CNTNAP2: variants seen among roughly 807,000 people sequenced by gnomAD.
CNTNAP2 encodes the protein contactin-associated protein-like 2.
In CNTNAP2, 98 loss-of-function variants were observed where a neutral mutation model predicts 155.2. That is an observed-to-expected ratio of 0.63 (90% CI 0.54 to 0.75). The LOEUF is 0.75. CNTNAP2 is among the 30% of genes least tolerant of loss of function. The probability of loss-of-function intolerance (pLI) is 0.00; values close to 1 mark genes in which losing one functional copy is unlikely to be tolerated. For missense variants in CNTNAP2, 1,727 were observed against 1,688.1 expected, an observed-to-expected ratio of 1.02 and a Z score of -0.40; for synonymous variants, 651 against 631.2, an observed-to-expected ratio of 1.03 and a Z score of -0.47.
intron 1 of CNTNAP2, among the ~76,000 whole-genome samples, chr7:146,229,004 A>G (rs1258504468): frequency 6.6e-6 from 1 of 152,120 alleles, no homozygotes; most frequent in Non-Finnish European, 1.5e-5. Flanking sequence ...CTCTCTATCT[A>G]TTAGATCACT....
intron 18 of CNTNAP2, among the ~76,000 whole-genome samples, chr7:148,202,949 A>G (rs191319521): frequency 6.6e-6 from 1 of 152,230 alleles, no homozygotes; most frequent in East Asian, 1.9e-4. Context: ...CTGCCAAAAG[A>G]CAGATAAAGT....
intron 3 of CNTNAP2, among the ~76,000 whole-genome samples, chr7:146,859,620 T>C (rs917632719): frequency 1.3e-5 from 2 of 151,872 alleles, no homozygotes; most frequent in African/African-American, 4.8e-5. Context: ...TCGCACACCG[T>C]TGCACTCCAG....
chr7:146,768,577 G>C (rs541214704), intron 1 of CNTNAP2, among the ~76,000 whole-genome samples: 19 of 152,020 alleles, frequency 1.2e-4, no homozygotes, highest in African/African-American at 4.6e-4. Flanking sequence ...GGTATAGGTA[G>C]AGTAGCTCGA....
intron 1 of CNTNAP2, among the ~76,000 whole-genome samples, chr7:146,461,249 A>G (rs2129124553): frequency 6.6e-6 from 1 of 151,762 alleles, no homozygotes; most frequent in African/African-American, 2.4e-5. Context: ...AAAAATACAA[A>G]AAAAAATTAG....
intron 4 of CNTNAP2, among the ~76,000 whole-genome samples, chr7:147,063,120 G>A (rs892825497): frequency 1.3e-5 from 2 of 152,150 alleles, no homozygotes; most frequent in Admixed American, 1.3e-4. Flanking sequence ...GGCTCCTCCT[G>A]AGACTTCCCC....
At position 146,887,214 on chromosome 7, in the gene CNTNAP2, A is replaced by T. The variant is rs538356866; in HGVS notation, c.402+47310A>T. ...GCCCAGGCTGGAGTACAATGGCGCG[A>T]TCTTGGCTCACTGCAAACTCGCCTC... On this transcript the variant is annotated intron_variant, in intron 3 of 23. Coordinates refer to ENST00000361727, the MANE Select transcript of CNTNAP2 (RefSeq NM_014141.6). Among the ~76,000 whole-genome samples, 4 of 152,036 alleles carry T rather than the reference A, an allele frequency of 2.6e-5. No homozygotes were observed. In the South Asian group the frequency reaches 8.3e-4, roughly 32 times the overall value.
intron 13 of CNTNAP2, among the ~76,000 whole-genome samples, chr7:147,674,324 G>A (rs189742381): frequency 7.6e-4 from 115 of 152,274 alleles, no homozygotes; most frequent in African/African-American, 2.7e-3. Context: ...TCTCCTTAGA[G>A]AGCATATTTT....
intron 1 of CNTNAP2, among the ~76,000 whole-genome samples, chr7:146,696,661 AC>A (rs1269849572): frequency 1.1e-4 from 16 of 152,072 alleles, no homozygotes; most frequent in Non-Finnish European, 4.4e-5. Flanking sequence ...ATTCAGTGCT[AC>A]AAATTTCTCT....
rs557560926 is a variant in CNTNAP2, at chr7:148,062,425, G to T, written c.2384-55693G>T. ...ATTGACAGAAGTGCAGGGAGAAATTGATAACTCAAATATCATAGAAGAAAA... is the reference window on the plus strand; with the variant it reads ...ATTGACAGAAGTGCAGGGAGAAATTTATAACTCAAATATCATAGAAGAAAA... On this transcript the variant is annotated intron_variant, in intron 15 of 23. Transcript: ENST00000361727. Among the ~76,000 whole-genome samples, 9 of 152,120 alleles carry T rather than the reference G, an allele frequency of 5.9e-5. No homozygotes were observed. The South Asian group carries it at 1.7e-3, about 28-fold the overall frequency.
chr7:146,754,554 GTCTCTCTCTC>G (rs143802449), intron 1 of CNTNAP2, among the ~76,000 whole-genome samples: 1 of 144,870 alleles, frequency 6.9e-6, no homozygotes, highest in East Asian at 2.1e-4. Flanking sequence ...CTCTCTCTCT[GTCTCTCTCTC>G]TCTCTCTCTC....
intron 3 of CNTNAP2, among the ~76,000 whole-genome samples, chr7:146,915,204 G>C (rs573112069): frequency 6.6e-6 from 1 of 152,014 alleles, no homozygotes; most frequent in South Asian, 2.1e-4. Flanking sequence ...ATGCTGTTTT[G>C]GTGACTATGG....
chr7:148,113,584 T>C (rs1804402460), intron 15 of CNTNAP2, among the ~76,000 whole-genome samples: 1 of 152,202 alleles, frequency 6.6e-6, no homozygotes, highest in South Asian at 2.1e-4. Flanking sequence ...GAAGATATGA[T>C]AGTGCATTTT....
intron 21 of CNTNAP2, among the ~76,000 whole-genome samples, chr7:148,295,228 T>C (rs1797258965): frequency 6.6e-6 from 1 of 152,212 alleles, no homozygotes; most frequent in Non-Finnish European, 1.5e-5. Flanking sequence ...ACTTAAATGA[T>C]AAGAAATTTA....
chr7:146,693,117 G>A (rs998454677), intron 1 of CNTNAP2, among the ~76,000 whole-genome samples: 15 of 152,120 alleles, frequency 9.9e-5, no homozygotes, highest in African/African-American at 2.2e-4. Flanking sequence ...AAATGGAGAC[G>A]ATACCTACTT....
At chr7:148,392,885 T>G (rs1799383138) in intron 22 of CNTNAP2, among the ~76,000 whole-genome samples, 1 of 135,620 alleles carries the variant, frequency 7.4e-6, no homozygotes, top group African/African-American at 2.8e-5. Flanking sequence ...ATACCCCCAT[T>G]AGACTTGAGT....
intron 17 of CNTNAP2, among the ~76,000 whole-genome samples, chr7:148,152,748 C>T (rs183789516): frequency 2.8e-3 from 432 of 152,238 alleles, no homozygotes; most frequent in African/African-American, 9.7e-3. Context: ...TAGCTGGGCA[C>T]GGCGGCTCAC....
chr7:148,229,104 T>C (rs906648339), intron 19 of CNTNAP2, among the ~76,000 whole-genome samples: 5 of 152,206 alleles, frequency 3.3e-5, no homozygotes, highest in African/African-American at 9.6e-5. Context: ...AAGTTCACTG[T>C]GGGCAGATTG....
chr7:147,168,853 T>A (rs1658936660), intron 8 of CNTNAP2, among the ~76,000 whole-genome samples: 1 of 152,096 alleles, frequency 6.6e-6, no homozygotes, highest in Non-Finnish European at 1.5e-5. Flanking sequence ...CTATAAATAT[T>A]GACTCCAGCA....
chr7:148,136,117 G>C (rs533765061), intron 16 of CNTNAP2, among the ~76,000 whole-genome samples: 1 of 128,988 alleles, frequency 7.8e-6, no homozygotes, highest in East Asian at 2.3e-4. Flanking sequence ...AGGGAGGAAG[G>C]GAGGGAAGGG....
Sources: gnomAD v4.1 joint callset for allele counts (sites outside exome capture counted in the v4.1 genomes callset) on GRCh38, gnomAD v4.1.1 for gene constraint, MANE v1.5 for transcripts, NCBI Gene and HGNC (gene_info 2026-07-23, HGNC 2026-07-21) for gene names.